Variants in CLIC5 observed in about 807,000 individuals in gnomAD.
CLIC5 encodes CLIC family member 5.
CLIC5 carries 20 observed loss-of-function variants against 24.7 expected under a neutral mutation model. The ratio of observed to expected loss-of-function variants is 0.81; its 90% confidence interval spans 0.57 to 1.18. The LOEUF (loss-of-function observed/expected upper bound fraction) is 1.18, where lower values mean the gene tolerates loss of function less well. Among genes scored for constraint, CLIC5 ranks in the 50% most tolerant of loss-of-function variants. CLIC5 has a pLI of 0.00. For synonymous variants in CLIC5, 159 were observed against 135.6 expected (o/e 1.17, Z -1.20); for missense variants, 341 against 326.1 (o/e 1.05, Z -0.35).
rs550913236 is a variant in CLIC5, at chr6:46,022,578, G to T, written c.540+57125C>A. Among the ~76,000 whole-genome samples the T allele has an allele frequency of 3.3e-5, 5 of 152,342 alleles. No individual in the cohort carries two copies. In the South Asian group the frequency reaches 1.0e-3, roughly 32 times the overall value. ...TGGGCTATGAGGGGGATTGAGGTGA[G>T]TTGTTAGTTCTATTTCTTTATAACC... On this transcript the variant is annotated intron_variant, in intron 1 of 5. Coordinates refer to the CLIC5 transcript ENST00000185206.
intron 1 of CLIC5, among the ~76,000 whole-genome samples, chr6:46,055,265 G>A (rs934224329): frequency 1.3e-5 from 2 of 152,142 alleles, no homozygotes; most frequent in African/African-American, 4.8e-5. Context: ...AACATGCCTG[G>A]CTAATTTTTC....
At chr6:46,048,431 T>C (rs1768014959) in intron 1 of CLIC5, among the ~76,000 whole-genome samples, 1 of 152,160 alleles carries the variant, frequency 6.6e-6, no homozygotes, top group Admixed American at 6.5e-5. Flanking sequence ...TGGGAAGATT[T>C]TCAGGCTTGA....
chr6:45,954,272 C>CA (rs11311720), intron 2 of CLIC5, among the ~76,000 whole-genome samples: 3,186 of 75,846 alleles, frequency 0.042, 120 homozygotes, highest in African/African-American at 0.096. Context: ...GACTCTGTCT[C>CA]AAAAAAAAAA....
intron 1 of CLIC5, among the ~76,000 whole-genome samples, chr6:46,015,033 T>C (rs1330932030): frequency 6.6e-6 from 1 of 152,206 alleles, no homozygotes; most frequent in Non-Finnish European, 1.5e-5. Flanking sequence ...TTTTAAGAAA[T>C]GTCATTTTCG....
chr6:45,956,470 G>GTT (rs35101536), intron 1 of CLIC5, among the ~76,000 whole-genome samples: 20 of 135,404 alleles, frequency 1.5e-4, no homozygotes, highest in South Asian at 4.8e-4. Flanking sequence ...GGCTTACTGA[G>GTT]TTTTTTTTTT....
the CLIC5 span, among the ~76,000 whole-genome samples, chr6:46,090,150 T>C: frequency 6.6e-6 from 1 of 152,242 alleles, no homozygotes; most frequent in Non-Finnish European, 1.5e-5. Flanking sequence ...ACCAGATGTC[T>C]ATAATTGAAG....
the CLIC5 span, among the ~76,000 whole-genome samples, chr6:46,127,442 A>C: frequency 6.6e-6 from 1 of 152,204 alleles, no homozygotes. Context: ...AATGGGTTTA[A>C]AGGCTCTCTA....
At chr6:46,107,481 C>T in the CLIC5 span, among the ~76,000 whole-genome samples, 1 of 152,154 alleles carries the variant, frequency 6.6e-6, no homozygotes, top group East Asian at 1.9e-4. Context: ...TGCTTATTTC[C>T]TAGGGTTTTC....
intron 1 of CLIC5, among the ~76,000 whole-genome samples, chr6:45,996,796 A>G (rs1408108219): frequency 6.6e-6 from 1 of 151,940 alleles, no homozygotes; most frequent in Non-Finnish European, 1.5e-5. Context: ...AATCAAAACC[A>G]CAATGAGATA....
chr6:45,973,928 CAA>C (rs58085331), intron 1 of CLIC5, among the ~76,000 whole-genome samples: 2 of 134,012 alleles, frequency 1.5e-5, no homozygotes, highest in Admixed American at 7.5e-5. Flanking sequence ...GACTCCATCT[CAA>C]AAAAAAAAAA....
intron 1 of CLIC5, among the ~76,000 whole-genome samples, chr6:46,021,189 T>C (rs1767173704): frequency 6.6e-6 from 1 of 151,022 alleles, no homozygotes; most frequent in Non-Finnish European, 1.5e-5. Flanking sequence ...CATGAAAATA[T>C]GCTCAACGTT....
intron 1 of CLIC5, among the ~76,000 whole-genome samples, chr6:45,980,823 A>G (rs912392753): frequency 6.6e-6 from 1 of 152,322 alleles, no homozygotes; most frequent in Non-Finnish European, 1.5e-5. Flanking sequence ...CATCTTCTCC[A>G]AGAAATTGTC....
At chr6:46,078,798 A>C (rs1445632585) in intron 1 of CLIC5, among the ~76,000 whole-genome samples, 1 of 152,220 alleles carries the variant, frequency 6.6e-6, no homozygotes, top group Non-Finnish European at 1.5e-5. Flanking sequence ...AACAAATTAC[A>C]AGACAACAAA....
At chr6:46,070,606 G>T (rs902032107) in intron 1 of CLIC5, among the ~76,000 whole-genome samples, 3 of 152,030 alleles carry the variant, frequency 2.0e-5, no homozygotes, top group African/African-American at 4.8e-5. Flanking sequence ...TTCCATGCTT[G>T]TGTACAAGGA....
intron 6 of CLIC5, among the ~76,000 whole-genome samples, chr6:45,885,925 C>A (rs995588478): frequency 9.9e-5 from 15 of 152,278 alleles, no homozygotes; most frequent in African/African-American, 3.4e-4. Context: ...ATATGAGCTC[C>A]CCATCCAGAG....
At chr6:46,077,604 T>C (rs1350567031) in intron 1 of CLIC5, among the ~76,000 whole-genome samples, 3 of 152,078 alleles carry the variant, frequency 2.0e-5, no homozygotes, top group African/African-American at 7.2e-5. Context: ...TCAGTGAAGA[T>C]AGGGCCGAGT....
At chr6:45,963,479 T>G (rs1489468324) in intron 1 of CLIC5, among the ~76,000 whole-genome samples, 1 of 152,178 alleles carries the variant, frequency 6.6e-6, no homozygotes, top group African/African-American at 2.4e-5. Flanking sequence ...TGTGGACCCC[T>G]TATTTTTCTT....
rs749514208 is a variant in CLIC5, at chr6:45,914,208, T to G, written c.588+20A>C. The G allele has an allele frequency of 2.6e-6, 4 of 1,536,254 alleles. No homozygotes were observed. Among genetic ancestry groups the G allele is most frequent in the Non-Finnish European group, 3.5e-6 (4 of 1,131,602 alleles). ...GATGGAGCTGGATCTTGCAGGCCCC[T>G]GTGGGTAGAGCTCTCTTACCTTGAC... On this transcript the variant is annotated intron_variant, in intron 5 of 5. Coordinates refer to ENST00000339561, the MANE Select transcript of CLIC5 (RefSeq NM_016929.5).
At chr6:45,961,874 C>T (rs751347572) in intron 1 of CLIC5, among the ~76,000 whole-genome samples, 8 of 152,100 alleles carry the variant, frequency 5.3e-5, no homozygotes, top group Non-Finnish European at 1.0e-4. Flanking sequence ...ACATTTGAGG[C>T]TACAGAGATC....
Sources: gnomAD v4.1 joint callset for allele counts (sites outside exome capture counted in the v4.1 genomes callset) on GRCh38, gnomAD v4.1.1 for gene constraint, MANE v1.5 for transcripts, NCBI Gene and HGNC (gene_info 2026-07-23, HGNC 2026-07-21) for gene names.